The following VWA8 variants were observed in gnomAD, a reference collection of about 807,000 sequenced individuals.
VWA8 encodes von Willebrand factor A domain-containing protein 8.
In VWA8, 221 loss-of-function variants were observed where a neutral mutation model predicts 241.5. That is an observed-to-expected ratio of 0.91 (90% CI 0.82 to 1.02). The LOEUF is 1.02. Among genes scored for constraint, VWA8 ranks in the 50% least tolerant of loss-of-function variants. The probability of loss-of-function intolerance (pLI) is 0.00; values close to 1 mark genes in which losing one functional copy is unlikely to be tolerated. For synonymous variants in VWA8, 852 were observed against 827.1 expected, an observed-to-expected ratio of 1.03 and a Z score of -0.52; for missense variants, 2,322 against 2,328.7, an observed-to-expected ratio of 1.00 and a Z score of 0.06.
chr13:41,772,769 T>C, intron 20 of VWA8, among the ~76,000 whole-genome samples: 1 of 152,244 alleles, frequency 6.6e-6, no homozygotes, highest in East Asian at 1.9e-4. Flanking sequence ...CTATGACAAG[T>C]GGTGCTTGTA....
intron 2 of VWA8, among the ~76,000 whole-genome samples, chr13:41,934,491 T>C (rs1253533015): frequency 1.3e-5 from 2 of 152,002 alleles, no homozygotes; most frequent in African/African-American, 4.8e-5. Context: ...TACAAAGACT[T>C]GTACATCAAT....
At chr13:41,802,267 T>C (rs564242963) in intron 17 of VWA8, among the ~76,000 whole-genome samples, 41 of 152,116 alleles carry the variant, frequency 2.7e-4, no homozygotes, top group Admixed American at 1.9e-3. Flanking sequence ...AGTGCTACCC[T>C]GTCACAGTGG....
intron 8 of VWA8, among the ~76,000 whole-genome samples, chr13:41,884,139 T>G (rs1468457941): frequency 3.3e-5 from 5 of 152,194 alleles, no homozygotes; most frequent in Non-Finnish European, 7.4e-5. Context: ...AATGTCCTAA[T>G]TCTTAGAAGT....
intron 21 of VWA8, among the ~76,000 whole-genome samples, chr13:41,732,452 T>C (rs1271266646): frequency 2.6e-5 from 4 of 151,378 alleles, no homozygotes; most frequent in Non-Finnish European, 5.9e-5. Flanking sequence ...CACCTCAAAA[T>C]TACCACCTGA....
intron 19 of VWA8, among the ~76,000 whole-genome samples, chr13:41,778,904 C>T (rs1593766403): frequency 7.5e-6 from 1 of 132,858 alleles, no homozygotes; most frequent in Admixed American, 9.0e-5. Context: ...TGCAGTGGCG[C>T]GATCTCGGCT....
chr13:41,918,037 T>C (rs2138121681), intron 2 of VWA8, among the ~76,000 whole-genome samples: 1 of 152,306 alleles, frequency 6.6e-6, no homozygotes, highest in East Asian at 1.9e-4. Flanking sequence ...AGGGTGAAAA[T>C]ATTTAGCACC....
intron 24 of VWA8, among the ~76,000 whole-genome samples, chr13:41,726,638 G>C (rs1408526388): frequency 6.6e-6 from 1 of 152,096 alleles, no homozygotes; most frequent in Non-Finnish European, 1.5e-5. Context: ...AAGACTCTGG[G>C]ATCAGATAGA....
At chr13:41,791,528 A>G (rs913731193) in intron 17 of VWA8, among the ~76,000 whole-genome samples, 2 of 151,882 alleles carry the variant, frequency 1.3e-5, no homozygotes. Flanking sequence ...AGAGAACTCT[A>G]ACCTTGAAAC....
At chr13:41,864,637 A>G (rs781619509) in intron 12 of VWA8, 14 of 440,966 alleles carry the variant, frequency 3.2e-5, no homozygotes, top group South Asian at 2.0e-4. Context: ...GCAAATTTAT[A>G]GGGACAGAAA....
At chr13:41,922,417 A>G (rs1360828749) in intron 2 of VWA8, among the ~76,000 whole-genome samples, 1 of 152,244 alleles carries the variant, frequency 6.6e-6, no homozygotes, top group Non-Finnish European at 1.5e-5. Flanking sequence ...TGGCAACGGA[A>G]GCCAAAATTG....
intron 34 of VWA8, 35 bp from the exon 35 acceptor site, chr13:41,685,277 C>T: frequency 6.3e-7 from 1 of 1,578,658 alleles, no homozygotes; most frequent in East Asian, 2.2e-5. Flanking sequence ...TACTGAAGTA[C>T]CATATACTAC....
At chr13:41,930,978 G>A (rs1478503332) in intron 2 of VWA8, among the ~76,000 whole-genome samples, 10 of 151,550 alleles carry the variant, frequency 6.6e-5, no homozygotes, top group African/African-American at 1.7e-4. Context: ...GTGAAACCCC[G>A]TCTCTACTAA....
chr13:41,783,788 C>T lies in VWA8; in HGVS notation c.2277+7G>A, dbSNP rs41288293. On this transcript the variant is annotated splice_region_variant and intron_variant, in intron 19 of 44. Transcript: ENST00000379310. ...ATTTATCCAAGAACACAAAGCAATA[C>T]TCTTACCTGAATGTTGTCATAGAAA... is the stretch of plus-strand genomic sequence containing the variant. 188,086 of 1,602,700 alleles carry T rather than the reference C, an allele frequency of 0.12. 14,400 individuals carry two copies. The highest frequency in any genetic ancestry group is 0.29 in the Admixed American group (17,377 of 59,614).
chr13:41,852,367 T>C (rs1209681610), intron 12 of VWA8, among the ~76,000 whole-genome samples: 1 of 152,212 alleles, frequency 6.6e-6, no homozygotes, highest in Non-Finnish European at 1.5e-5. Context: ...TTTGCAAATA[T>C]TTTCTCCCAT....
intron 39 of VWA8, among the ~76,000 whole-genome samples, chr13:41,608,292 T>A (rs1367041911): frequency 6.6e-6 from 1 of 152,100 alleles, no homozygotes; most frequent in African/African-American, 2.4e-5. Flanking sequence ...TCAAAGCTGA[T>A]AAATTTTGAA....
At chr13:41,676,858 C>T (rs1189399356) in intron 35 of VWA8, among the ~76,000 whole-genome samples, 1 of 152,086 alleles carries the variant, frequency 6.6e-6, no homozygotes, top group African/African-American at 2.4e-5. Flanking sequence ...GTCTTGAACT[C>T]CTGACCCCAA....
At chr13:41,708,021 T>C (rs1008692879) in intron 26 of VWA8, among the ~76,000 whole-genome samples, 1 of 152,158 alleles carries the variant, frequency 6.6e-6, no homozygotes, top group African/African-American at 2.4e-5. Context: ...GAAAAAATTT[T>C]AGAGAGAGCA....
intron 42 of VWA8, among the ~76,000 whole-genome samples, chr13:41,577,005 A>G (rs2044354801): frequency 1.3e-5 from 2 of 152,252 alleles, no homozygotes; most frequent in Non-Finnish European, 2.9e-5. Context: ...CCCTCTGAGC[A>G]CCTTGGGGTG....
At chr13:41,673,712 A>G (rs965121799) in intron 36 of VWA8, among the ~76,000 whole-genome samples, 3 of 152,222 alleles carry the variant, frequency 2.0e-5, no homozygotes, top group African/African-American at 4.8e-5. Context: ...ACAATATTTT[A>G]GTGTGTCTAC....
Sources: allele counts gnomAD v4.1 joint callset (sites outside exome capture counted in the v4.1 genomes callset), GRCh38; gene constraint gnomAD v4.1.1; transcripts MANE v1.5; gene names NCBI Gene and HGNC (gene_info 2026-07-23, HGNC 2026-07-21).